LRRC3B: variants seen among roughly 807,000 people sequenced by gnomAD.
LRRC3B encodes the protein leucine-rich repeat-containing protein 3B.
In LRRC3B, 2 loss-of-function variants were observed where a neutral mutation model predicts 12.8. The ratio of observed to expected loss-of-function variants is 0.16; its 90% CI spans 0.06 to 0.49. LRRC3B has a LOEUF of 0.49. Ranked by LOEUF, LRRC3B falls within the 20% of genes least tolerant of loss-of-function variation. The pLI, the probability that LRRC3B is intolerant of heterozygous loss-of-function variation, is 0.96. For missense variants in LRRC3B, 189 were observed against 319.4 expected, an observed-to-expected ratio of 0.59 and a Z score of 3.11; for synonymous variants, 132 against 122.0, an observed-to-expected ratio of 1.08 and a Z score of -0.54.
At chr3:26,629,842 C>T (rs1363383817) in intron 1 of LRRC3B, among the ~76,000 whole-genome samples, 1 of 151,574 alleles carries the variant, frequency 6.6e-6, no homozygotes, top group African/African-American at 2.4e-5. Context: ...GTTTCTGCTA[C>T]AAAACCTGTG....
At chr3:26,651,890 A>T (rs2125415396) in intron 1 of LRRC3B, among the ~76,000 whole-genome samples, 1 of 152,336 alleles carries the variant, frequency 6.6e-6, no homozygotes, top group South Asian at 2.1e-4. Flanking sequence ...AGACCCTTTA[A>T]TACATATTAT....
At chr3:26,700,749 G>A (rs1202170684) in intron 1 of LRRC3B, among the ~76,000 whole-genome samples, 2 of 152,114 alleles carry the variant, frequency 1.3e-5, no homozygotes, top group Non-Finnish European at 2.9e-5. Flanking sequence ...ATGGTGTATG[G>A]TGCCATGTTT....
intron 1 of LRRC3B, among the ~76,000 whole-genome samples, chr3:26,672,439 A>G (rs1204254945): frequency 6.6e-6 from 1 of 152,178 alleles, no homozygotes; most frequent in African/African-American, 2.4e-5. Flanking sequence ...TTAATTGTAA[A>G]TAATCCAAAA....
intron 1 of LRRC3B, among the ~76,000 whole-genome samples, chr3:26,693,015 A>G (rs901192595): frequency 6.6e-6 from 1 of 152,184 alleles, no homozygotes. Context: ...GCTTGTTCAC[A>G]TGATGGCTGG....
intron 1 of LRRC3B, among the ~76,000 whole-genome samples, chr3:26,636,950 C>CTTTCTTTCTT (rs1698906505): frequency 2.4e-5 from 3 of 122,866 alleles, no homozygotes; most frequent in African/African-American, 1.0e-4. Context: ...TTCTTTCTTT[C>CTTTCTTTCTT]TTTCTTTCTT....
At chr3:26,645,452 A>T (rs1434189485) in intron 1 of LRRC3B, among the ~76,000 whole-genome samples, 1 of 152,162 alleles carries the variant, frequency 6.6e-6, no homozygotes, top group East Asian at 1.9e-4. Flanking sequence ...GACTGCCTGG[A>T]TTCTAGATTG....
At chr3:26,710,078 C>A in exon 2 of LRRC3B, 1 of 1,614,104 alleles carries the variant, frequency 6.2e-7, no homozygotes, top group Non-Finnish European at 8.5e-7. Flanking sequence ...CTTCAATAAC[C>A]TGAAGGCCAG....
At chr3:26,635,678 C>G (rs1575113625) in intron 1 of LRRC3B, among the ~76,000 whole-genome samples, 1 of 152,218 alleles carries the variant, frequency 6.6e-6, no homozygotes, top group African/African-American at 2.4e-5. Flanking sequence ...GTTATGGCAG[C>G]CCTAGCTAAG....
chr3:26,709,403 ATAAC>A, intron 1 of LRRC3B, 106 bp from the exon 2 acceptor site: 2 of 463,638 alleles, frequency 4.3e-6, no homozygotes, highest in South Asian at 6.9e-5. Flanking sequence ...AATTACCTGC[ATAAC>A]TAACCCCCCT....
intron 1 of LRRC3B, among the ~76,000 whole-genome samples, chr3:26,681,206 T>C (rs924995883): frequency 6.6e-6 from 1 of 152,216 alleles, no homozygotes; most frequent in Non-Finnish European, 1.5e-5. Context: ...TAATTAACAA[T>C]GCGAATCCTT....
chr3:26,689,143 A>G (rs1700142551), intron 1 of LRRC3B, among the ~76,000 whole-genome samples: 1 of 152,184 alleles, frequency 6.6e-6, no homozygotes. Flanking sequence ...CAGACACTCC[A>G]TCTCCCTAAG....
At chr3:26,664,482 A>T (rs905649437) in intron 1 of LRRC3B, among the ~76,000 whole-genome samples, 13 of 152,098 alleles carry the variant, frequency 8.5e-5, no homozygotes, top group Non-Finnish European at 1.5e-4. Context: ...TGCTAATGTG[A>T]TGCCAGATCA....
chr3:26,687,970 A>T (rs1212727202), intron 1 of LRRC3B, among the ~76,000 whole-genome samples: 1 of 152,218 alleles, frequency 6.6e-6, no homozygotes, highest in African/African-American at 2.4e-5. Context: ...CTCTGGGAAG[A>T]CTTTTGTCAG....
At chr3:26,647,510 A>C (rs1699177876) in intron 1 of LRRC3B, among the ~76,000 whole-genome samples, 1 of 152,208 alleles carries the variant, frequency 6.6e-6, no homozygotes, top group African/African-American at 2.4e-5. Context: ...GGCTTCTGAG[A>C]GTGCCTTAGA....
intron 1 of LRRC3B, among the ~76,000 whole-genome samples, chr3:26,653,275 C>T (rs547799250): frequency 1.3e-5 from 2 of 152,286 alleles, no homozygotes; most frequent in Non-Finnish European, 2.9e-5. Context: ...ATCTCCTTGA[C>T]ATTCAGTTCA....
At chr3:26,698,988 C>G (rs1444587346) in intron 1 of LRRC3B, among the ~76,000 whole-genome samples, 1 of 152,152 alleles carries the variant, frequency 6.6e-6, no homozygotes, top group Middle Eastern at 3.4e-3. Flanking sequence ...TGTGACATCT[C>G]TTTTCTTTAT....
chr3:26,710,720 G>A, exon 2 of LRRC3B: 1 of 281,536 alleles, frequency 3.6e-6, no homozygotes, highest in East Asian at 6.6e-5. Flanking sequence ...ATTTAATAAT[G>A]AAATTTATTT....
At chr3:26,642,394 G>A (rs1055055232) in intron 1 of LRRC3B, among the ~76,000 whole-genome samples, 1 of 152,186 alleles carries the variant, frequency 6.6e-6, no homozygotes, top group Non-Finnish European at 1.5e-5. Context: ...TAGCTTAGGG[G>A]AGAAAGATGA....
chr3:26,681,368 C>T (rs1403349070), intron 1 of LRRC3B, among the ~76,000 whole-genome samples: 1 of 152,170 alleles, frequency 6.6e-6, no homozygotes, highest in Non-Finnish European at 1.5e-5. Flanking sequence ...ATATTAGTAG[C>T]ACATGCAACC....
Sources: allele counts gnomAD v4.1 joint callset (sites outside exome capture counted in the v4.1 genomes callset), GRCh38; gene constraint gnomAD v4.1.1; transcripts MANE v1.5; gene names NCBI Gene and HGNC (gene_info 2026-07-23, HGNC 2026-07-21).